The following RBFOX1 variants were observed in gnomAD, a reference collection of about 807,000 sequenced individuals.
RBFOX1 encodes the protein RNA binding fox-1 homolog 1.
Under a neutral mutation model 57.7 loss-of-function variants are expected in RBFOX1, and 8 were observed. The observed-to-expected ratio is 0.14, with a 90% confidence interval of 0.08 to 0.25. The LOEUF is 0.25. RBFOX1 is among the 10% of genes least tolerant of loss of function. The pLI is 1.00. For missense variants in RBFOX1, 611 were observed against 548.5 expected (o/e 1.11, Z -1.14); for synonymous variants, 326 against 222.4 (o/e 1.47, Z -4.15).
chr16:7,245,916 C>G (rs7197520), intron 4 of RBFOX1, among the ~76,000 whole-genome samples: 98,366 of 151,942 alleles, frequency 0.65, 33,637 homozygotes, highest in African/African-American at 0.88. Flanking sequence ...TTCTCCCAGC[C>G]CATAGCAGCT....
At chr16:6,154,162 C>T (rs975482410) in intron 1 of RBFOX1, among the ~76,000 whole-genome samples, 1 of 152,188 alleles carries the variant, frequency 6.6e-6, no homozygotes, top group Non-Finnish European at 1.5e-5. Flanking sequence ...TAACATCATG[C>T]AAGCCAGTTA....
chr16:6,087,657 C>CT (rs199760935), intron 1 of RBFOX1, among the ~76,000 whole-genome samples: 2,519 of 142,860 alleles, frequency 0.018, 49 homozygotes, highest in East Asian at 0.059. Context: ...ATTTATCTTA[C>CT]TTTTTTTTTT....
chr16:7,064,325 T>G (rs1415787231), intron 4 of RBFOX1, among the ~76,000 whole-genome samples: 3 of 152,042 alleles, frequency 2.0e-5, no homozygotes, highest in African/African-American at 7.2e-5. Context: ...CCCGCCACCA[T>G]ACCCAGCTAA....
intron 2 of RBFOX1, among the ~76,000 whole-genome samples, chr16:5,558,860 C>T (rs993112015): frequency 1.3e-4 from 20 of 152,120 alleles, no homozygotes; most frequent in African/African-American, 2.7e-4. Flanking sequence ...CAAAGGTCCA[C>T]GTACAAGAGA....
chr16:7,407,806 G>A (rs1406636570), intron 4 of RBFOX1, among the ~76,000 whole-genome samples: 1 of 152,100 alleles, frequency 6.6e-6, no homozygotes. Context: ...TGTTGTACAG[G>A]TTTTCATATT....
chr16:6,335,830 A>G (rs1046387807), intron 2 of RBFOX1, among the ~76,000 whole-genome samples: 1 of 150,698 alleles, frequency 6.6e-6, no homozygotes, highest in East Asian at 1.9e-4. Flanking sequence ...AAAATAAAAC[A>G]AAAAAATGGA....
chr16:6,233,650 C>G (rs1010283642), intron 1 of RBFOX1, among the ~76,000 whole-genome samples: 3 of 152,194 alleles, frequency 2.0e-5, no homozygotes, highest in East Asian at 3.9e-4. Context: ...ACTGTGCCAC[C>G]CAGCCTGGAG....
At chr16:6,395,926 C>G (rs919553195) in intron 2 of RBFOX1, among the ~76,000 whole-genome samples, 1 of 151,848 alleles carries the variant, frequency 6.6e-6, no homozygotes, top group Non-Finnish European at 1.5e-5. Flanking sequence ...ATTAGCTGGT[C>G]ATGGTGGCGT....
At chr16:6,631,504 C>G (rs941981180) in intron 2 of RBFOX1, among the ~76,000 whole-genome samples, 1 of 151,776 alleles carries the variant, frequency 6.6e-6, no homozygotes, top group South Asian at 2.1e-4. Flanking sequence ...TTACTCCATT[C>G]GCTCCTGAAC....
chr16:7,319,897 A>G (rs1489018212), intron 4 of RBFOX1, among the ~76,000 whole-genome samples: 4 of 152,160 alleles, frequency 2.6e-5, no homozygotes, highest in African/African-American at 7.2e-5. Context: ...GACTTGTTAA[A>G]AGACTGGATG....
chr16:6,179,192 G>A lies in RBFOX1; in HGVS notation c.-126-137803G>A, dbSNP rs565628453. Among the ~76,000 whole-genome samples the A allele has an allele frequency of 2.6e-5, 4 of 152,266 alleles. No homozygotes were observed. The East Asian group carries it at 7.7e-4, about 29-fold the overall frequency. Reference sequence around the variant, plus strand: ...CTCCTGCATGCTTGAGATGAGCAGTGGAGACGACAGTGGGGCTGTCTTCTC... The same window carrying A: ...CTCCTGCATGCTTGAGATGAGCAGTAGAGACGACAGTGGGGCTGTCTTCTC... On this transcript the variant is annotated intron_variant, in intron 1 of 15. Transcript: ENST00000550418.
chr16:6,612,527 G>C (rs543857627), intron 2 of RBFOX1, among the ~76,000 whole-genome samples: 5 of 152,244 alleles, frequency 3.3e-5, no homozygotes, highest in African/African-American at 9.6e-5. Flanking sequence ...CTTGCCATGA[G>C]GCTAGAGCCA....
intron 3 of RBFOX1, among the ~76,000 whole-genome samples, chr16:5,801,947 T>C (rs546267776): frequency 1.3e-5 from 2 of 152,144 alleles, no homozygotes; most frequent in South Asian, 2.1e-4. Context: ...CCCCGGAGGG[T>C]TGGACGTGTG....
intron 2 of RBFOX1, among the ~76,000 whole-genome samples, chr16:6,629,693 G>A (rs1238596972): frequency 6.6e-6 from 1 of 152,136 alleles, no homozygotes; most frequent in Non-Finnish European, 1.5e-5. Context: ...GAGTCTTGTG[G>A]TCAGCCATTT....
intron 4 of RBFOX1, among the ~76,000 whole-genome samples, chr16:7,353,635 A>C (rs1483654325): frequency 3.9e-5 from 6 of 152,230 alleles, no homozygotes; most frequent in African/African-American, 1.4e-4. Flanking sequence ...TATAAAATGA[A>C]ATGATGTCTT....
intron 2 of RBFOX1, among the ~76,000 whole-genome samples, chr16:6,385,891 A>G (rs890101462): frequency 6.6e-6 from 1 of 151,770 alleles, no homozygotes; most frequent in Non-Finnish European, 1.5e-5. Flanking sequence ...CAGCTTCCCC[A>G]ACATTAGTGT....
chr16:7,675,677 G>C (rs966699058), intron 13 of RBFOX1, among the ~76,000 whole-genome samples: 3 of 152,114 alleles, frequency 2.0e-5, no homozygotes, highest in African/African-American at 7.2e-5. Context: ...GTTTCATGAA[G>C]CCAAATGCCA....
chr16:7,332,660 GTCTC>G (rs139335710), intron 4 of RBFOX1: 117,725 of 625,830 alleles, frequency 0.19, 12,094 homozygotes, highest in African/African-American at 0.24. Context: ...TGGTCTCTTG[GTCTC>G]TCTCTCTGTC....
intron 3 of RBFOX1, among the ~76,000 whole-genome samples, chr16:5,660,068 C>T (rs939551453): frequency 3.9e-5 from 6 of 152,182 alleles, no homozygotes; most frequent in African/African-American, 9.6e-5. Context: ...GTTAGACCAA[C>T]GGGGTTCAAG....
Sources: gnomAD v4.1 joint callset for allele counts (sites outside exome capture counted in the v4.1 genomes callset) on GRCh38, gnomAD v4.1.1 for gene constraint, MANE v1.5 for transcripts, NCBI Gene and HGNC (gene_info 2026-07-23, HGNC 2026-07-21) for gene names.